CCND3: variants seen among roughly 807,000 people sequenced by gnomAD.
CCND3 encodes the protein G1/S-specific cyclin-D3.
In CCND3, 9 loss-of-function variants were observed where a neutral mutation model predicts 28.7. The observed-to-expected ratio is 0.31, with a 90% confidence interval of 0.19 to 0.55. The LOEUF is 0.55. Among genes scored for constraint, CCND3 ranks in the 20% least tolerant of loss-of-function variants. The pLI is 0.93. For missense variants in CCND3, 315 were observed against 385.8 expected (o/e 0.82, Z 1.54); for synonymous variants, 164 against 163.9 (o/e 1.00, Z 0.00).
At chr6:41,974,699 C>T (rs1287220289) in intron 1 of CCND3, among the ~76,000 whole-genome samples, 1 of 152,012 alleles carries the variant, frequency 6.6e-6, no homozygotes, top group East Asian at 1.9e-4. Flanking sequence ...TGGGTAAACT[C>T]TGACACTATT....
intron 1 of CCND3, among the ~76,000 whole-genome samples, chr6:41,958,163 A>G (rs1776487050): frequency 6.6e-6 from 1 of 151,050 alleles, no homozygotes; most frequent in South Asian, 2.1e-4. Flanking sequence ...TGCCCAGCTA[A>G]TTTCTGTATT....
intron 1 of CCND3, among the ~76,000 whole-genome samples, chr6:41,956,182 C>T (rs1310899956): frequency 6.6e-6 from 1 of 152,076 alleles, no homozygotes; most frequent in Non-Finnish European, 1.5e-5. Flanking sequence ...ATCCTAGCTA[C>T]TTGGGAAGTT....
At position 41,972,203 on chromosome 6, in the gene CCND3, G is replaced by C. The variant is rs1213573596; in HGVS notation, c.-45-31618C>G. The stretch of plus-strand genomic sequence containing the variant: ...AGATCGCGCCACTGCACTGCAGCCT[G>C]GGCAACAGAGCGAGACTCCATCTCA... On this transcript the variant is annotated intron_variant, in intron 1 of 4. Coordinates refer to the CCND3 transcript ENST00000372988. 2.3e-5 allele frequency among the ~76,000 whole-genome samples: 3 copies of C among 132,202 alleles called. No individual in the cohort carries two copies. In the East Asian group the frequency reaches 6.5e-4, roughly 29 times the overall value. The allele number at this position is 132,202 out of a possible 152,430, so 86.7% of individuals were successfully genotyped here. A position where few individuals can be genotyped will look rare whatever the true frequency, so the allele number is the denominator to read the frequency against.
chr6:41,978,658 A>G (rs946178879), intron 1 of CCND3, among the ~76,000 whole-genome samples: 1 of 152,148 alleles, frequency 6.6e-6, no homozygotes, highest in Non-Finnish European at 1.5e-5. Context: ...GATGTGTTCT[A>G]TCTACTGATC....
At chr6:41,944,990 G>C (rs572620423), upstream of CCND3, among the ~76,000 whole-genome samples, 390 of 152,284 alleles carry the variant, frequency 2.6e-3, 3 homozygotes, top group African/African-American at 8.9e-3. Flanking sequence ...AAGAAATAGA[G>C]GCTCCTCTTG....
Position 41,936,430 on chromosome 6 carries a change from C to CA in CCND3, c.711+128dup. 1 of 1,151,376 alleles carries CA rather than the reference C, an allele frequency of 8.7e-7. No homozygotes were observed. The highest frequency in any genetic ancestry group is 1.5e-5 in the South Asian group (1 of 67,028). 71.3% of individuals were successfully genotyped at this position (1,151,376 alleles called of 1,614,324 possible). On this transcript the variant is annotated intron_variant, in intron 4 of 4. Transcript: ENST00000372991. This position sits in a 1 kb window ranked among gnomAD's most constrained non-coding sequence, Gnocchi z 4.4. ...GACCAAGGCAGGAGATAAAAAGCCA[C>CA]AAAGCCCCAAGGTTGTGAAACCAGG...
chr6:42,002,190 A>G (rs144417304), intron 1 of CCND3, among the ~76,000 whole-genome samples: 2,860 of 151,862 alleles, frequency 0.019, 109 homozygotes, highest in African/African-American at 0.064. Context: ...TCACACCTGT[A>G]ATCACAGCAC....
chr6:42,007,095 C>CACAT (rs891399400), intron 1 of CCND3, among the ~76,000 whole-genome samples: 34 of 151,986 alleles, frequency 2.2e-4, no homozygotes, highest in African/African-American at 8.0e-4. Context: ...TATACATACA[C>CACAT]ACATGTATAT....
chr6:42,025,045 G>A (rs1255293247), intron 1 of CCND3, among the ~76,000 whole-genome samples: 1 of 152,140 alleles, frequency 6.6e-6, no homozygotes, highest in Non-Finnish European at 1.5e-5. Flanking sequence ...GTGACAAAGT[G>A]AGACTCCATC....
At chr6:42,033,063 AG>A (rs1764087653) in intron 1 of CCND3, among the ~76,000 whole-genome samples, 1 of 152,232 alleles carries the variant, frequency 6.6e-6, no homozygotes, top group Non-Finnish European at 1.5e-5. Context: ...AATCATGACC[AG>A]CACGTTTTAA....
intron 1 of CCND3, among the ~76,000 whole-genome samples, chr6:42,029,837 CAAA>C (rs34732029): frequency 1.4e-4 from 16 of 118,194 alleles, no homozygotes; most frequent in Admixed American, 8.9e-5. Flanking sequence ...AACTCTGTCT[CAAA>C]AAAAAAAAAA....
At chr6:41,968,258 C>T (rs1048193441) in intron 1 of CCND3, among the ~76,000 whole-genome samples, 5 of 152,148 alleles carry the variant, frequency 3.3e-5, no homozygotes, top group African/African-American at 1.2e-4. Context: ...CCAAATTTGA[C>T]ACTAATCCTA....
Position 41,947,503 on chromosome 6 carries a change from C to A in CCND3, c.-45-6918G>T, listed in dbSNP as rs142522631. 2.5e-3 allele frequency among the ~76,000 whole-genome samples: 386 copies of A among 152,324 alleles called. 2 individuals carry two copies. Among genetic ancestry groups the A allele is most frequent in the African/African-American group, 8.8e-3 (367 of 41,576 alleles). ...AACTCCATCCTTCCAATGGCTCAGG[C>A]CAAACACTTGGTGTCATTCCTGACT... On this transcript the variant is annotated intron_variant, in intron 1 of 4. Transcript: ENST00000372988.
At position 42,028,143 on chromosome 6, in the gene CCND3, G is replaced by T. The variant is rs1159190414; in HGVS notation, c.-46+20358C>A. Reference sequence around the variant, plus strand: ...TAGCACTGTGCCTAGCATGTGGTAGGTGCTCACTAAATCGTGGCTGCTCTT... The same window carrying T: ...TAGCACTGTGCCTAGCATGTGGTAGTTGCTCACTAAATCGTGGCTGCTCTT... On this transcript the variant is annotated intron_variant, in intron 1 of 4. Coordinates refer to the CCND3 transcript ENST00000372988. 2.0e-5 allele frequency among the ~76,000 whole-genome samples: 3 copies of T among 152,216 alleles called. No homozygotes were observed. In the East Asian group the frequency reaches 5.8e-4, roughly 29 times the overall value.
intron 1 of CCND3, chr6:41,940,795 T>G: frequency 1.1e-6 from 1 of 889,374 alleles, no homozygotes; most frequent in South Asian, 1.4e-5. Context: ...CCCTCTCCCC[T>G]TGACGGGGGA....
At chr6:42,045,890 C>A (rs990620172) in intron 1 of CCND3, among the ~76,000 whole-genome samples, 3 of 152,220 alleles carry the variant, frequency 2.0e-5, no homozygotes, top group African/African-American at 7.2e-5. Flanking sequence ...AAGCCAGTGC[C>A]TGGGGCAGGG....
At chr6:42,020,864 G>A (rs142435849) in intron 1 of CCND3, among the ~76,000 whole-genome samples, 64 of 152,262 alleles carry the variant, frequency 4.2e-4, no homozygotes, top group Non-Finnish European at 7.3e-4. Context: ...TAATTCTCCC[G>A]ACTCAGCCTC....
chr6:41,948,962 G>A (rs1247135934), intron 1 of CCND3, among the ~76,000 whole-genome samples: 1 of 152,194 alleles, frequency 6.6e-6, no homozygotes, highest in South Asian at 2.1e-4. Context: ...GATAGCACAT[G>A]TCCCATCCAA....
intron 1 of CCND3, among the ~76,000 whole-genome samples, chr6:41,955,628 C>T (rs1776416950): frequency 6.7e-6 from 1 of 148,202 alleles, no homozygotes; most frequent in Non-Finnish European, 1.5e-5. Flanking sequence ...ACCAGGCAAG[C>T]CGGCATGGTG....
Sources: allele counts gnomAD v4.1 joint callset (sites outside exome capture counted in the v4.1 genomes callset), GRCh38; gene constraint gnomAD v4.1.1; non-coding constraint Gnocchi (gnomAD v3.1); transcripts MANE v1.5; gene names NCBI Gene and HGNC (gene_info 2026-07-23, HGNC 2026-07-21).